Variants in MELTF observed in about 807,000 individuals in gnomAD.
MELTF encodes antigen p97 (melanoma associated) identified by monoclonal antibodies 133.2 and 96.5.
Under a neutral mutation model 83.7 loss-of-function variants are expected in MELTF, and 67 were observed. That is an observed-to-expected ratio of 0.80 (90% CI 0.66 to 0.98). The LOEUF is 0.98. Ranked by LOEUF, MELTF falls within the 50% of genes least tolerant of loss-of-function variation. The pLI is 0.00. For synonymous variants in MELTF, 462 were observed against 447.6 expected (o/e 1.03, Z -0.41); for missense variants, 1,002 against 1,035.6 (o/e 0.97, Z 0.44).
At chr3:197,023,342 C>T (rs138974767) in intron 4 of MELTF, among the ~76,000 whole-genome samples, 19 of 152,322 alleles carry the variant, frequency 1.2e-4, no homozygotes, top group East Asian at 1.2e-3. Flanking sequence ...AAAAATGGTT[C>T]GGGGGAACTA....
At chr3:197,020,908 C>A (rs537044239) in intron 6 of MELTF, among the ~76,000 whole-genome samples, 2 of 152,068 alleles carry the variant, frequency 1.3e-5, no homozygotes, top group African/African-American at 4.8e-5. Context: ...CCTCGTGATC[C>A]GCCCACCTCG....
chr3:197,021,751 C>G (rs1381308176), intron 5 of MELTF, among the ~76,000 whole-genome samples: 2 of 152,208 alleles, frequency 1.3e-5, no homozygotes, highest in Non-Finnish European at 2.9e-5. Context: ...TGGACCCTCT[C>G]CATCTTAGCT....
chr3:197,024,132 G>A lies in MELTF; in HGVS notation c.487+171C>T, dbSNP rs2280295. Among the ~76,000 whole-genome samples the A allele has an allele frequency of 1.1e-4, 17 of 151,642 alleles. No homozygotes were observed. Among genetic ancestry groups the A allele is most frequent in the African/African-American group, 1.5e-4 (6 of 41,246 alleles). On this transcript the variant is annotated intron_variant, in intron 4 of 15. Transcript: ENST00000296350. The surrounding 1 kb of genome is among the most constrained non-coding windows in gnomAD (Gnocchi z 5.3). ...AAGCAGGAAGTCAAGCGGCGGCGCC[G>A]GCGGCAGAGTGGAGGCGGGGGAGGC...
At position 197,004,096 on chromosome 3, in the gene MELTF, G is replaced by A. The variant is rs1212122710; in HGVS notation, c.1942C>T (p.Leu648=). The A allele has an allele frequency of 6.8e-6, 11 of 1,613,988 alleles. No individual in the cohort carries two copies. The highest frequency in any genetic ancestry group is 1.6e-4 in the Middle Eastern group (1 of 6,084). Residue 648 remains leucine (L), a synonymous_variant, in exon 15 of 16, where the codon CTG becomes TTG. Transcript: ENST00000296350. ...VYGLLDKAQD[L]FGDDHNKNGF... ...TTCTTATTGTGGTCGTCTCCAAACA[G>A]GTCCTGGAAGCACCGCAGGCAGACG...
rs1000022723 is a variant in MELTF, at chr3:197,006,800, C to T, written c.1751-64G>A. On this transcript the variant is annotated intron_variant, in intron 13 of 15. Coordinates refer to ENST00000296350, the MANE Select transcript of MELTF (RefSeq NM_005929.6). This position sits in a 1 kb window ranked among gnomAD's most constrained non-coding sequence, Gnocchi z 5.4. ...GAGTGGAGAGAAGTGTAAAGAGAAG[C>T]TGCTATCCTGGGACCCCAAGGCCTT... 1.4e-6 allele frequency: 2 copies of T among 1,394,614 alleles called. No individual in the cohort carries two copies. Among genetic ancestry groups the T allele is most frequent in the African/African-American group, 3.0e-5 (2 of 66,602 alleles). The allele number at this position is 1,394,614 out of a possible 1,614,324, so 86.4% of individuals were successfully genotyped here. A position where few individuals can be genotyped will look rare whatever the true frequency, so the allele number is the denominator to read the frequency against.
At chr3:197,023,865 G>A (rs1157700377) in intron 4 of MELTF, 2 of 458,952 alleles carry the variant, frequency 4.4e-6, no homozygotes, top group East Asian at 6.9e-5. Flanking sequence ...GGGCTGATGA[G>A]CCACTTGGGA....
intron 9 of MELTF, among the ~76,000 whole-genome samples, chr3:197,013,634 G>C (rs918850060): frequency 6.6e-6 from 1 of 152,186 alleles, no homozygotes; most frequent in African/African-American, 2.4e-5. Flanking sequence ...TCCAACAGGG[G>C]ATTAATATCC....
chr3:197,019,271 G>A (rs1719524962), intron 6 of MELTF: 1 of 1,032,052 alleles, frequency 9.7e-7, no homozygotes, highest in African/African-American at 1.7e-5. Context: ...CACAGACAAA[G>A]GCATCATTTA....
Position 197,006,813 on chromosome 3 carries a change from A to AC in MELTF, c.1751-78dup. ...TGTAAAGAGAAGCTGCTATCCTGGGACCCCAAGGCCTTCACCACAGGGAGG... is the reference window on the plus strand; with the variant it reads ...TGTAAAGAGAAGCTGCTATCCTGGGACCCCCAAGGCCTTCACCACAGGGAGG... On this transcript the variant is annotated intron_variant, in intron 13 of 15. Coordinates refer to ENST00000296350, the MANE Select transcript of MELTF (RefSeq NM_005929.6). The surrounding 1 kb of genome is among the most constrained non-coding windows in gnomAD (Gnocchi z 5.4). 7.5e-7 allele frequency: 1 copy of AC among 1,324,692 alleles called. No homozygotes were observed. Among genetic ancestry groups the AC allele is most frequent in the Non-Finnish European group, 9.9e-7 (1 of 1,012,206 alleles). 82.1% of individuals were successfully genotyped at this position (1,324,692 alleles called of 1,614,324 possible). A position where few individuals can be genotyped will look rare whatever the true frequency, so the allele number is the denominator to read the frequency against.
chr3:197,029,750 C>T lies in MELTF; in HGVS notation c.-48G>A. 1.7e-6 allele frequency: 2 copies of T among 1,188,220 alleles called. No homozygotes were observed. The highest frequency in any genetic ancestry group is 2.1e-6 in the Non-Finnish European group (2 of 948,660). The allele number at this position is 1,188,220 out of a possible 1,614,324, so 73.6% of individuals were successfully genotyped here. A position where few individuals can be genotyped will look rare whatever the true frequency, so the allele number is the denominator to read the frequency against. ...GCCGGGCTGGGGCTGGGTCCGGGTC[C>T]GAGGAGGTCCGCAGCAGCCGGGCTT... On this transcript the variant is annotated 5_prime_UTR_variant, in exon 1 of 16. Coordinates refer to ENST00000296350, the MANE Select transcript of MELTF (RefSeq NM_005929.6). The surrounding 1 kb of genome is among the most constrained non-coding windows in gnomAD (Gnocchi z 6.5).
At chr3:197,021,638 C>T (rs554220235) in intron 5 of MELTF, among the ~76,000 whole-genome samples, 167 bp from the exon 6 acceptor site, 18 of 152,260 alleles carry the variant, frequency 1.2e-4, no homozygotes, top group African/African-American at 4.1e-4. Context: ...GTGCCTTTGC[C>T]GAGTTGTGGC....
chr3:197,022,198 G>A lies in MELTF; in HGVS notation c.645-727C>T, dbSNP rs960780658. Among the ~76,000 whole-genome samples, 2 of 152,104 alleles carry A rather than the reference G, an allele frequency of 1.3e-5. No homozygotes were observed. The highest frequency in any genetic ancestry group is 2.4e-5 in the African/African-American group (1 of 41,402). ...CCTCCTGGGCAAAGGGTCTGCTTGG[G>A]TCCCCACGGGCAGAAAATGCACAGG... On this transcript the variant is annotated intron_variant, in intron 5 of 15. Coordinates refer to ENST00000296350, the MANE Select transcript of MELTF (RefSeq NM_005929.6). The surrounding 1 kb of genome is among the most constrained non-coding windows in gnomAD (Gnocchi z 5.1).
intron 6 of MELTF, chr3:197,018,888 C>G (rs1719506529): frequency 1.0e-6 from 1 of 968,876 alleles, no homozygotes; most frequent in Non-Finnish European, 1.2e-6. Flanking sequence ...GCAAGAGTAA[C>G]TATTAACACC....
At position 197,003,366 on chromosome 3, in the gene MELTF, CCGGGCTCAGAGGGCGGG is replaced by C. The variant is rs1313174050; in HGVS notation, c.2206_*5del. On this transcript the variant is annotated stop_lost and 3_prime_UTR_variant, in exon 16 of 16. Transcript: ENST00000296350. This position sits in a 1 kb window ranked among gnomAD's most constrained non-coding sequence, Gnocchi z 6.2. Reference sequence around the variant, plus strand: ...GCATCGGAGCTCTGGGGCGGGGCGGCCGGGCTCAGAGGGCGGGCGGGAGCAGGCGGGCGGCGAGGGCG... The same window carrying C: ...GCATCGGAGCTCTGGGGCGGGGCGGCCGGGAGCAGGCGGGCGGCGAGGGCG... 6 of 1,066,400 alleles carry C rather than the reference CCGGGCTCAGAGGGCGGG, an allele frequency of 5.6e-6. No individual in the cohort carries two copies. Among genetic ancestry groups the C allele is most frequent in the Non-Finnish European group, 6.8e-6 (6 of 884,446 alleles). The allele number at this position is 1,066,400 out of a possible 1,614,324, so 66.1% of individuals were successfully genotyped here.
In MELTF at chr3:197,026,762, G is replaced by T. The variant is rs1426763894; in HGVS notation, c.205-3C>A. Reference sequence around the variant, plus strand: ...GTGATGGCGTCAGCCTCCTGGGCCTGCAAGGAAATGTGGCTCAGCCAAGCC... The same window carrying T: ...GTGATGGCGTCAGCCTCCTGGGCCTTCAAGGAAATGTGGCTCAGCCAAGCC... On this transcript the variant is annotated splice_polypyrimidine_tract_variant and splice_region_variant and intron_variant, in intron 2 of 15. Transcript: ENST00000296350. 1 of 1,611,036 alleles carries T rather than the reference G, an allele frequency of 6.2e-7. No homozygotes were observed. The highest frequency in any genetic ancestry group is 1.1e-5 in the South Asian group (1 of 91,080).
chr3:197,016,649 G>A (rs149264201), intron 7 of MELTF, among the ~76,000 whole-genome samples: 8 of 152,340 alleles, frequency 5.3e-5, no homozygotes, highest in African/African-American at 1.4e-4. Context: ...CTGAGGACAC[G>A]CCGTGGGGCT....
At chr3:197,014,383 G>GGTTTTTT (rs747329235) in intron 9 of MELTF, among the ~76,000 whole-genome samples, 1 of 101,058 alleles carries the variant, frequency 9.9e-6, no homozygotes, top group African/African-American at 4.1e-5. Flanking sequence ...AATAGGGAGA[G>GGTTTTTT]TTTTTTTTTT....
chr3:197,016,826 T>G (rs1288125229), intron 7 of MELTF, among the ~76,000 whole-genome samples: 1 of 152,232 alleles, frequency 6.6e-6, no homozygotes, highest in Non-Finnish European at 1.5e-5. Flanking sequence ...TTTGCTCATA[T>G]GTTTTGGTTT....
intron 9 of MELTF, among the ~76,000 whole-genome samples, chr3:197,013,028 G>A (rs2148582393): frequency 6.6e-6 from 1 of 152,230 alleles, no homozygotes; most frequent in South Asian, 2.1e-4. Context: ...CAGCAATGCT[G>A]AACTTCCCTA....
Sources: allele counts gnomAD v4.1 joint callset (sites outside exome capture counted in the v4.1 genomes callset), GRCh38; gene constraint gnomAD v4.1.1; non-coding constraint Gnocchi (gnomAD v3.1); transcripts MANE v1.5; gene names NCBI Gene and HGNC (gene_info 2026-07-23, HGNC 2026-07-21).